The following BMP5 variants were observed in gnomAD, a reference collection of about 807,000 sequenced individuals.
BMP5 encodes bone morphogenetic protein 5.
A neutral mutation model predicts 46.6 loss-of-function variants in BMP5; 23 were observed. That is an observed-to-expected ratio of 0.49 (90% CI 0.35 to 0.70). The LOEUF is 0.70. Ranked by LOEUF, BMP5 falls within the 30% of genes least tolerant of loss-of-function variation. The pLI is 0.00. For missense variants in BMP5, 545 were observed against 565.6 expected (o/e 0.96, Z 0.37); for synonymous variants, 204 against 191.9 (o/e 1.06, Z -0.52).
chr6:55,806,055 A>G (rs1775980692), intron 2 of BMP5, among the ~76,000 whole-genome samples: 1 of 152,184 alleles, frequency 6.6e-6, no homozygotes, highest in Non-Finnish European at 1.5e-5. Context: ...TTTGCTGTGC[A>G]GAAGCTCTTT....
intron 2 of BMP5, among the ~76,000 whole-genome samples, chr6:55,818,839 G>A (rs2127538178): frequency 6.6e-6 from 1 of 152,176 alleles, no homozygotes; most frequent in Non-Finnish European, 1.5e-5. Flanking sequence ...TTCATCAAAA[G>A]GAAGACCTAG....
intron 1 of BMP5, among the ~76,000 whole-genome samples, chr6:55,826,725 AT>A (rs1330833758): frequency 6.6e-6 from 1 of 151,558 alleles, no homozygotes; most frequent in Non-Finnish European, 1.5e-5. Context: ...CAATAAATTA[AT>A]TAATGAAGGA....
In BMP5 at chr6:55,774,150, T is replaced by C. The variant is rs1322504927; in HGVS notation, c.926A>G (p.Glu309Gly). Residue 309 changes from glutamate (E) to glycine (G), a missense_variant, in exon 4 of 7, where the codon GAG (glutamate) becomes GGG (glycine). Physicochemically the swap from Glu to Gly is moderately conservative, Grantham distance 98. Coordinates refer to ENST00000370830, the MANE Select transcript of BMP5 (RefSeq NM_021073.4). Reference sequence around the variant, plus strand: ...TGCTCTCACGGATCGAAGAAGTACCTCACTCGCCTTGAAGAAGGCCACCAT... The same window carrying C: ...TGCTCTCACGGATCGAAGAAGTACCCCACTCGCCTTGAAGAAGGCCACCAT... ...PFMVAFFKAS[E>G]VLLRSVRAAN... 1 of 1,613,156 alleles carries C rather than the reference T, an allele frequency of 6.2e-7. No homozygotes were observed. The highest frequency in any genetic ancestry group is 8.5e-7 in the Non-Finnish European group (1 of 1,179,446).
intron 4 of BMP5, among the ~76,000 whole-genome samples, chr6:55,766,209 T>C (rs1470621288): frequency 2.0e-5 from 3 of 152,124 alleles, no homozygotes; most frequent in Non-Finnish European, 2.9e-5. Flanking sequence ...GCTAACCTTT[T>C]CTAAAATAAC....
At chr6:55,793,877 G>T (rs1354859656) in intron 3 of BMP5, among the ~76,000 whole-genome samples, 1 of 151,902 alleles carries the variant, frequency 6.6e-6, no homozygotes, top group East Asian at 1.9e-4. Context: ...GACATAATTT[G>T]CATATAGTAA....
intron 2 of BMP5, among the ~76,000 whole-genome samples, chr6:55,809,059 C>A (rs1373900467): frequency 6.6e-6 from 1 of 152,114 alleles, no homozygotes; most frequent in East Asian, 1.9e-4. Flanking sequence ...AGAAAAAAAT[C>A]ATTATGTTCT....
chr6:55,828,777 G>T (rs1776591048), intron 1 of BMP5, among the ~76,000 whole-genome samples: 1 of 151,730 alleles, frequency 6.6e-6, no homozygotes, highest in Admixed American at 6.6e-5. Flanking sequence ...TTAAGACACA[G>T]TTTGTATAGT....
intron 3 of BMP5, among the ~76,000 whole-genome samples, chr6:55,781,409 CT>C (rs1775314321): frequency 6.6e-6 from 1 of 152,026 alleles, no homozygotes; most frequent in African/African-American, 2.4e-5. Flanking sequence ...ACTTTAAAAA[CT>C]CTTTCTTTGT....
chr6:55,874,933 G>A lies in BMP5; in HGVS notation c.-68C>T. 1 of 1,481,322 alleles carries A rather than the reference G, an allele frequency of 6.8e-7. No individual in the cohort carries two copies. Among genetic ancestry groups the A allele is most frequent in the Non-Finnish European group, 9.2e-7 (1 of 1,086,572 alleles). 91.8% of individuals were successfully genotyped at this position (1,481,322 alleles called of 1,614,324 possible). The stretch of plus-strand genomic sequence containing the variant: ...CCTCTTAAAAAAAAAAAAAACCTAA[G>A]GTTCTAGGAGGTACAGTTTCCCAGT... On this transcript the variant is annotated 5_prime_UTR_variant, in exon 1 of 7. Coordinates refer to ENST00000370830, the MANE Select transcript of BMP5 (RefSeq NM_021073.4).
intron 1 of BMP5, among the ~76,000 whole-genome samples, chr6:55,837,361 A>AGATAGAT (rs1554184990): frequency 6.6e-6 from 1 of 150,608 alleles, no homozygotes; most frequent in Admixed American, 6.6e-5. Context: ...ATAGATAGAT[A>AGATAGAT]GATAGATAGA....
Position 55,774,233 on chromosome 6 carries a change from G to C in BMP5, c.843C>G (p.Ile281Met), listed in dbSNP as rs752637340. The C allele has an allele frequency of 6.2e-7, 1 of 1,612,710 alleles. No individual in the cohort carries two copies. Among genetic ancestry groups the C allele is most frequent in the Non-Finnish European group, 8.5e-7 (1 of 1,179,146 alleles). Residue 281 changes from isoleucine (I) to methionine (M), a missense_variant, in exon 4 of 7, where the codon ATC becomes ATG. Coordinates refer to ENST00000370830, the MANE Select transcript of BMP5 (RefSeq NM_021073.4). ...LCAETGDGRS[I>M]NVKSAGLVGR... ...CCACAAGACCAGCAGATTTTACGTTGATACTGCGTCCTAGAACGTAATACA... is the reference window on the plus strand; with the variant it reads ...CCACAAGACCAGCAGATTTTACGTTCATACTGCGTCCTAGAACGTAATACA...
intron 3 of BMP5, among the ~76,000 whole-genome samples, chr6:55,778,768 C>T (rs1775238634): frequency 6.6e-6 from 1 of 151,912 alleles, no homozygotes; most frequent in South Asian, 2.1e-4. Context: ...AATTATTATT[C>T]TATTCATAAA....
At chr6:55,842,581 A>G (rs570277264) in intron 1 of BMP5, among the ~76,000 whole-genome samples, 4 of 152,066 alleles carry the variant, frequency 2.6e-5, no homozygotes, top group African/African-American at 9.6e-5. Context: ...CTGCCTCCTC[A>G]ATTCACTGGC....
At chr6:55,861,250 G>C (rs1007908670) in intron 1 of BMP5, among the ~76,000 whole-genome samples, 2 of 152,116 alleles carry the variant, frequency 1.3e-5, no homozygotes, top group African/African-American at 4.8e-5. Context: ...ATCCCCAGTG[G>C]GGTCAGAGAA....
intron 4 of BMP5, 86 bp downstream of exon 4, chr6:55,773,963 G>A: frequency 7.0e-7 from 1 of 1,419,228 alleles, no homozygotes; most frequent in Non-Finnish European, 9.9e-7. Context: ...GGTATACATA[G>A]AGGGTAAATT....
At chr6:55,812,910 T>C (rs1776168544) in intron 2 of BMP5, among the ~76,000 whole-genome samples, 1 of 152,214 alleles carries the variant, frequency 6.6e-6, no homozygotes, top group Non-Finnish European at 1.5e-5. Flanking sequence ...GCAATACTTG[T>C]CTCAGAGAAT....
In BMP5 at chr6:55,759,131, A is replaced by C; in HGVS notation, c.1105-16T>G. 2.1e-6 allele frequency: 1 copy of C among 475,202 alleles called. No individual in the cohort carries two copies. The highest frequency in any genetic ancestry group is 3.7e-6 in the Non-Finnish European group (1 of 272,322). The allele number at this position is 475,202 out of a possible 1,614,324, so 29.4% of individuals were successfully genotyped here. A position where few individuals can be genotyped will look rare whatever the true frequency, so the allele number is the denominator to read the frequency against. On this transcript the variant is annotated splice_polypyrimidine_tract_variant and intron_variant, in intron 5 of 6. Coordinates refer to ENST00000370830, the MANE Select transcript of BMP5 (RefSeq NM_021073.4). Reference sequence around the variant, plus strand: ...TAATCCAGTCCTGACACATACACACACACACACACACACAAAAAAAAAAAA... The same window carrying C: ...TAATCCAGTCCTGACACATACACACCCACACACACACACAAAAAAAAAAAA...
intron 4 of BMP5, chr6:55,772,958 T>C: frequency 2.0e-6 from 2 of 976,898 alleles, no homozygotes; most frequent in African/African-American, 1.8e-5. Context: ...CTATTTCTTA[T>C]CTAAACACTC....
intron 4 of BMP5, among the ~76,000 whole-genome samples, chr6:55,767,143 A>G (rs1562027469): frequency 6.6e-6 from 1 of 152,020 alleles, no homozygotes; most frequent in Non-Finnish European, 1.5e-5. Context: ...TCTTTTTTAA[A>G]GTGTGTAGTT....
Sources: gnomAD v4.1 joint callset for allele counts (sites outside exome capture counted in the v4.1 genomes callset) on GRCh38, gnomAD v4.1.1 for gene constraint, MANE v1.5 for transcripts, NCBI Gene and HGNC (gene_info 2026-07-23, HGNC 2026-07-21) for gene names.